CC2D2A: variants seen among roughly 807,000 people sequenced by gnomAD.
The protein encoded by CC2D2A is coiled-coil and C2 domain-containing protein 2A.
In CC2D2A, 155 loss-of-function variants were observed where a neutral mutation model predicts 212.9. The observed-to-expected ratio is 0.73, with a 90% CI of 0.64 to 0.83. CC2D2A has a LOEUF of 0.83. CC2D2A is among the 40% of genes least tolerant of loss of function. CC2D2A has a pLI of 0.00. For synonymous variants in CC2D2A, 667 were observed against 686.5 expected (o/e 0.97, Z 0.44); for missense variants, 1,856 against 1,956.2 (o/e 0.95, Z 0.97).
At chr4:15,486,141 T>C (rs1714986055) in intron 4 of CC2D2A, among the ~76,000 whole-genome samples, 1 of 152,102 alleles carries the variant, frequency 6.6e-6, no homozygotes. Flanking sequence ...TATGTCTTTG[T>C]CTGGTTTTGG....
At chr4:15,491,474 G>A (rs1286297213) in intron 4 of CC2D2A, among the ~76,000 whole-genome samples, 1 of 152,134 alleles carries the variant, frequency 6.6e-6, no homozygotes, top group Non-Finnish European at 1.5e-5. Context: ...GTGCAATCTT[G>A]GCTCACTGCA....
intron 4 of CC2D2A, among the ~76,000 whole-genome samples, chr4:15,493,548 C>G (rs1560148844): frequency 2.0e-5 from 3 of 152,140 alleles, no homozygotes; most frequent in Admixed American, 6.6e-5. Context: ...GCTGAGATTA[C>G]AGGCTTGAGT....
At chr4:15,479,364 G>A in intron 3 of CC2D2A, 2 of 1,462,098 alleles carry the variant, frequency 1.4e-6, no homozygotes, top group South Asian at 1.2e-5. Context: ...TCTGAGAAGG[G>A]AGGCAGGGAA....
chr4:15,486,891 C>A lies in CC2D2A; in HGVS notation c.247+6064C>A, dbSNP rs187057768. 3.3e-5 allele frequency among the ~76,000 whole-genome samples: 5 copies of A among 151,560 alleles called. No individual in the cohort carries two copies. In the East Asian group the frequency reaches 9.7e-4, roughly 29 times the overall value. On this transcript the variant is annotated intron_variant, in intron 4 of 36. Coordinates refer to ENST00000424120, the MANE Select transcript of CC2D2A (RefSeq NM_001378615.1). ...CAGTCAATTTTTTATTTTTTTAATT[C>A]ATCATTGACCCAATTGTTGTTCTGG...
At position 15,502,864 on chromosome 4, in the gene CC2D2A, C is replaced by A. The variant is rs145945939; in HGVS notation, c.379C>A (p.Arg127=). 2 of 1,611,628 alleles carry A rather than the reference C, an allele frequency of 1.2e-6. No homozygotes were observed. The highest frequency in any genetic ancestry group is 3.3e-5 in the Admixed American group (2 of 59,728). The change falls in exon 6 of 37, where the codon CGG becomes AGG. Residue 127 remains arginine, a synonymous_variant. Coordinates refer to ENST00000424120, the MANE Select transcript of CC2D2A (RefSeq NM_001378615.1). ...SALLQEIPTP[R]PRRLRSPSKK... ...ATTGCTGCAGGAAATCCCCACTCCTCGGCCCAGACGCTTACGAAGTCCCAG... is the reference window on the plus strand; with the variant it reads ...ATTGCTGCAGGAAATCCCCACTCCTAGGCCCAGACGCTTACGAAGTCCCAG...
At position 15,541,995 on chromosome 4, in the gene CC2D2A, T is replaced by G. The variant is rs574093498; in HGVS notation, c.2181+981T>G. Among the ~76,000 whole-genome samples the G allele has an allele frequency of 2.6e-5, 4 of 152,242 alleles. No individual in the cohort carries two copies. The South Asian group carries it at 8.3e-4, about 32-fold the overall frequency. ...GCCTCTTCCAGCTCCTCCTGGCACT[T>G]AGAGTTCCTTGGTTTGTGTTAGCGT... is the stretch of plus-strand genomic sequence containing the variant. On this transcript the variant is annotated intron_variant, in intron 17 of 36. Coordinates refer to ENST00000424120, the MANE Select transcript of CC2D2A (RefSeq NM_001378615.1).
chr4:15,555,219 C>G lies in CC2D2A; in HGVS notation c.2625+9C>G, dbSNP rs1167453314. ...TGATGCAGCTTATCTCGGTATGTAGCAGGAGGCACACATGCCATTTCTTGA... is the reference window on the plus strand; with the variant it reads ...TGATGCAGCTTATCTCGGTATGTAGGAGGAGGCACACATGCCATTTCTTGA... On this transcript the variant is annotated intron_variant, in intron 20 of 36. Transcript: ENST00000424120. 6.2e-7 allele frequency: 1 copy of G among 1,611,274 alleles called. No individual in the cohort carries two copies. The highest frequency in any genetic ancestry group is 1.7e-5 in the Admixed American group (1 of 59,682).
chr4:15,518,318 C>T (rs754786633), intron 11 of CC2D2A, among the ~76,000 whole-genome samples: 23 of 152,172 alleles, frequency 1.5e-4, no homozygotes, highest in South Asian at 4.1e-4. Context: ...AAACATGTCT[C>T]GCATTCCGGT....
At chr4:15,573,224 T>G (rs1186149684) in intron 28 of CC2D2A, among the ~76,000 whole-genome samples, 1 of 152,230 alleles carries the variant, frequency 6.6e-6, no homozygotes, top group African/African-American at 2.4e-5. Flanking sequence ...CACACATTCC[T>G]TCCTGTGTCA....
At chr4:15,479,348 T>A in intron 3 of CC2D2A, 1 of 1,517,736 alleles carries the variant, frequency 6.6e-7, no homozygotes, top group South Asian at 1.2e-5. Context: ...TGGTAAGAAG[T>A]TGTCCTCTGA....
At chr4:15,542,289 T>C (rs1007085424) in intron 17 of CC2D2A, among the ~76,000 whole-genome samples, 1 of 152,208 alleles carries the variant, frequency 6.6e-6, no homozygotes, top group African/African-American at 2.4e-5. Context: ...TCGGTGACTC[T>C]TCTCCCACAA....
chr4:15,505,381 T>G (rs1478395785), intron 6 of CC2D2A, among the ~76,000 whole-genome samples: 2 of 152,178 alleles, frequency 1.3e-5, no homozygotes, highest in Non-Finnish European at 2.9e-5. Flanking sequence ...TGACCAAAAC[T>G]TCTCTACATG....
At chr4:15,536,830 C>A (rs1410928839) in intron 14 of CC2D2A, 90 bp from the exon 15 acceptor site, 1 of 1,218,084 alleles carries the variant, frequency 8.2e-7, no homozygotes, top group Non-Finnish European at 1.2e-6. Flanking sequence ...GGAACTGGCA[C>A]ATAGCAAGTC....
At chr4:15,531,152 T>C (rs373086807) in intron 13 of CC2D2A, among the ~76,000 whole-genome samples, 34 of 152,244 alleles carry the variant, frequency 2.2e-4, no homozygotes, top group African/African-American at 7.5e-4. Context: ...ATCTCCGCTC[T>C]CTCCCATTTC....
chr4:15,494,687 G>A (rs1286309400), intron 4 of CC2D2A, among the ~76,000 whole-genome samples: 4 of 152,184 alleles, frequency 2.6e-5, no homozygotes, highest in African/African-American at 4.8e-5. Context: ...CAATAAGATT[G>A]TGTCCTATGT....
intron 14 of CC2D2A, among the ~76,000 whole-genome samples, chr4:15,535,063 G>A: frequency 6.6e-6 from 1 of 151,932 alleles, no homozygotes; most frequent in East Asian, 1.9e-4. Flanking sequence ...TTGAGAGCAG[G>A]GACCCTATTG....
chr4:15,482,251 G>A (rs1714721306), intron 4 of CC2D2A: 1 of 984,956 alleles, frequency 1.0e-6, no homozygotes, highest in South Asian at 4.7e-5. Context: ...AATAAAAACA[G>A]AACCAAAATT....
Position 15,533,287 on chromosome 4 carries a change from G to C in CC2D2A, c.1561G>C (p.Glu521Gln), listed in dbSNP as rs756638247. ...TTGGAAAGAGATGAAATCCCTTCGA[G>C]AGTTCCAGAGATTTACAAATACTCC... The part of the protein sequence containing the change: ...KVWKEMKSLR[E>Q]FQRFTNTPLK... The change falls in exon 14 of 37, where the codon GAG becomes CAG. Residue 521 changes from glutamate to glutamine, a missense_variant. By Grantham distance (29) the Glu-to-Gln change is conservative. Transcript: ENST00000424120. The C allele has an allele frequency of 2.5e-6, 4 of 1,592,876 alleles. No individual in the cohort carries two copies. The highest frequency in any genetic ancestry group is 2.7e-5 in the African/African-American group (2 of 74,338).
rs1560196323 is a variant in CC2D2A at position 15,589,530 on chromosome 4, G to A, written c.4180-15G>A. 1.2e-6 allele frequency: 2 copies of A among 1,608,562 alleles called. No homozygotes were observed. Among genetic ancestry groups the A allele is most frequent in the Non-Finnish European group, 8.5e-7 (1 of 1,176,746 alleles). ...AAATAGTTGAAAACTAGTTTTAATG[G>A]CCATCTTCTTTCAGGGTCCAACTGC... On this transcript the variant is annotated splice_polypyrimidine_tract_variant and intron_variant, in intron 32 of 36. Transcript: ENST00000424120.
Sources: gnomAD v4.1 joint callset for allele counts (sites outside exome capture counted in the v4.1 genomes callset) on GRCh38, gnomAD v4.1.1 for gene constraint, MANE v1.5 for transcripts, NCBI Gene and HGNC (gene_info 2026-07-23, HGNC 2026-07-21) for gene names.